The following TPH2 variants were observed in gnomAD, a reference collection of about 807,000 sequenced individuals.
TPH2 encodes tryptophan 5-hydroxylase 2.
TPH2 carries 27 observed loss-of-function variants against 59.1 expected under a neutral mutation model. The ratio of observed to expected loss-of-function variants is 0.46; its 90% CI spans 0.34 to 0.63. TPH2 has a LOEUF of 0.63. TPH2 is among the 30% of genes least tolerant of loss of function. TPH2 has a pLI of 0.01. For missense variants in TPH2, 523 were observed against 588.3 expected (o/e 0.89, Z 1.15); for synonymous variants, 220 against 210.5 (o/e 1.05, Z -0.39).
intron 7 of TPH2, among the ~76,000 whole-genome samples, chr12:71,983,114 A>G (rs1221821202): frequency 6.6e-6 from 1 of 151,886 alleles, no homozygotes; most frequent in Non-Finnish European, 1.5e-5. Flanking sequence ...CCTGGGGGAA[A>G]GTTTTCTGGC....
At chr12:71,958,573 T>C (rs967629599) in intron 5 of TPH2, among the ~76,000 whole-genome samples, 3 of 152,246 alleles carry the variant, frequency 2.0e-5, no homozygotes, top group African/African-American at 7.2e-5. Context: ...TCGCAGGTTG[T>C]TGGGGACATC....
rs561931981 is a variant in TPH2, at chr12:72,022,287, T to C, written c.1069-112T>C. On this transcript the variant is annotated intron_variant, in intron 8 of 10. Transcript: ENST00000333850. ...TGTTCTTGATTTAAATGTATTTAAA[T>C]TGATAATATTGAAGAAATTATGCAC... 189 of 735,840 alleles carry C rather than the reference T, an allele frequency of 2.6e-4. No individual in the cohort carries two copies. The African/African-American group carries it at 2.9e-3, about 11-fold the overall frequency. The allele number at this position is 735,840 out of a possible 1,614,324, so 45.6% of individuals were successfully genotyped here. A position where few individuals can be genotyped will look rare whatever the true frequency, so the allele number is the denominator to read the frequency against.
chr12:71,981,004 G>T (rs1872261031), intron 7 of TPH2, among the ~76,000 whole-genome samples: 1 of 152,206 alleles, frequency 6.6e-6, no homozygotes, highest in African/African-American at 2.4e-5. Context: ...GAAATAGTGT[G>T]GTTAGGGTTA....
At chr12:72,008,190 AGCAGTC>A (rs777880174) in intron 8 of TPH2, among the ~76,000 whole-genome samples, 4 of 152,188 alleles carry the variant, frequency 2.6e-5, no homozygotes, top group Non-Finnish European at 5.9e-5. Context: ...GGCTTCTCTC[AGCAGTC>A]AAATTGGTAA....
rs189169043 is a variant in TPH2, at chr12:71,993,659, T to C, written c.942-780T>C. Among the ~76,000 whole-genome samples the C allele has an allele frequency of 5.7e-3, 868 of 152,344 alleles. 5 individuals carry two copies. The highest frequency in any genetic ancestry group is 0.034 in the Middle Eastern group (10 of 294). ...CAAAGCAGAGAACTGGGAGATTTTC[T>C]AATGTGTTATCACAAGAGAGTTGCT... On this transcript the variant is annotated intron_variant, in intron 7 of 10. Coordinates refer to ENST00000333850, the MANE Select transcript of TPH2 (RefSeq NM_173353.4).
intron 9 of TPH2, among the ~76,000 whole-genome samples, chr12:72,025,296 A>G (rs1873536853): frequency 6.6e-6 from 1 of 152,056 alleles, no homozygotes; most frequent in African/African-American, 2.4e-5. Context: ...CATCTTTACA[A>G]CTTTTTAGAT....
intron 7 of TPH2, among the ~76,000 whole-genome samples, chr12:71,993,335 A>C (rs1168028075): frequency 1.3e-5 from 2 of 152,224 alleles, no homozygotes; most frequent in Non-Finnish European, 2.9e-5. Flanking sequence ...ATTTCAGAGG[A>C]GTACAAGTGA....
At chr12:72,016,874 T>C (rs769827657) in intron 8 of TPH2, among the ~76,000 whole-genome samples, 5 of 152,138 alleles carry the variant, frequency 3.3e-5, no homozygotes, top group African/African-American at 9.7e-5. Flanking sequence ...ATCATTTTAA[T>C]CTAATTTATG....
At chr12:71,979,581 C>T (rs569155949) in intron 7 of TPH2, among the ~76,000 whole-genome samples, 15 of 152,266 alleles carry the variant, frequency 9.9e-5, no homozygotes, top group East Asian at 3.9e-4. Flanking sequence ...TAGTCCTGCC[C>T]GCCACCTCCA....
intron 7 of TPH2, among the ~76,000 whole-genome samples, chr12:71,989,484 C>T (rs1872527486): frequency 6.6e-6 from 1 of 152,182 alleles, no homozygotes. Context: ...TCACCTCTGC[C>T]ACTCATCTCC....
chr12:72,030,595 C>A (rs531017791), intron 9 of TPH2, among the ~76,000 whole-genome samples: 10 of 152,252 alleles, frequency 6.6e-5, no homozygotes, highest in African/African-American at 1.7e-4. Context: ...TTTTCTAATA[C>A]CTGCTCTTGG....
At chr12:72,004,649 A>G (rs1872905889) in intron 8 of TPH2, among the ~76,000 whole-genome samples, 2 of 152,204 alleles carry the variant, frequency 1.3e-5, no homozygotes, top group Admixed American at 6.5e-5. Context: ...TTTAACTACA[A>G]TGGAGTAGGC....
At chr12:72,004,445 G>T (rs114214840) in intron 8 of TPH2, among the ~76,000 whole-genome samples, 2,089 of 151,224 alleles carry the variant, frequency 0.014, 111 homozygotes, top group African/African-American at 0.048. Context: ...AAGGAGGTGT[G>T]TTATTGGATA....
At chr12:71,961,649 G>A (rs968391645) in intron 5 of TPH2, 5 of 1,352,090 alleles carry the variant, frequency 3.7e-6, no homozygotes, top group Non-Finnish European at 4.9e-6. Context: ...TGTTGAGCGT[G>A]CACATATTGA....
chr12:72,019,787 A>G (rs188863237), intron 8 of TPH2, among the ~76,000 whole-genome samples: 289 of 152,306 alleles, frequency 1.9e-3, no homozygotes, highest in South Asian at 0.011. Context: ...TAGTTGCTCA[A>G]GAAGTATTTG....
At chr12:72,027,055 A>T (rs989878712) in intron 9 of TPH2, among the ~76,000 whole-genome samples, 13 of 151,088 alleles carry the variant, frequency 8.6e-5, no homozygotes, top group African/African-American at 3.2e-4. Context: ...TTCACACTTG[A>T]GTTTTTTTTT....
At chr12:72,011,450 T>G (rs1311833253) in intron 8 of TPH2, among the ~76,000 whole-genome samples, 2 of 152,220 alleles carry the variant, frequency 1.3e-5, no homozygotes, top group African/African-American at 4.8e-5. Flanking sequence ...TCTCTGATCT[T>G]GTGTTTCATC....
At chr12:71,992,504 T>A (rs553229330) in intron 7 of TPH2, among the ~76,000 whole-genome samples, 6 of 146,910 alleles carry the variant, frequency 4.1e-5, no homozygotes, top group Non-Finnish European at 9.0e-5. Flanking sequence ...CTTGAGGGGC[T>A]GAGGTGGGAG....
chr12:72,013,823 C>G (rs543925787), intron 8 of TPH2, among the ~76,000 whole-genome samples: 1 of 152,252 alleles, frequency 6.6e-6, no homozygotes, highest in Non-Finnish European at 1.5e-5. Context: ...ACCTACTGAT[C>G]GCTATGGACC....
Sources: allele counts gnomAD v4.1 joint callset (sites outside exome capture counted in the v4.1 genomes callset), GRCh38; gene constraint gnomAD v4.1.1; transcripts MANE v1.5; gene names NCBI Gene and HGNC (gene_info 2026-07-23, HGNC 2026-07-21).